Variants in DGKB observed in about 807,000 individuals in gnomAD.
DGKB encodes diacylglycerol kinase beta.
DGKB carries 67 observed loss-of-function variants against 114.3 expected under a neutral mutation model. The observed-to-expected ratio is 0.59, with a 90% CI of 0.48 to 0.72. DGKB has a LOEUF of 0.72. DGKB is among the 30% of genes least tolerant of loss of function. DGKB has a pLI of 0.00. For missense variants in DGKB, 907 were observed against 975.2 expected (o/e 0.93, Z 0.93); for synonymous variants, 398 against 323.1 (o/e 1.23, Z -2.49).
At chr7:14,265,217 T>G (rs1325933879) in intron 23 of DGKB, among the ~76,000 whole-genome samples, 1 of 151,664 alleles carries the variant, frequency 6.6e-6, no homozygotes, top group East Asian at 1.9e-4. Flanking sequence ...ATTTTTCAGT[T>G]TCATACAGAG....
intron 2 of DGKB, among the ~76,000 whole-genome samples, chr7:14,827,283 C>T (rs1319853528): frequency 6.6e-6 from 1 of 152,094 alleles, no homozygotes; most frequent in Non-Finnish European, 1.5e-5. Flanking sequence ...CTAGATAAGG[C>T]ATTACCCAGA....
At chr7:14,269,523 C>T (rs139131409) in intron 23 of DGKB, among the ~76,000 whole-genome samples, 2,139 of 152,252 alleles carry the variant, frequency 0.014, 16 homozygotes, top group South Asian at 0.028. Context: ...ATTTTGAAGG[C>T]TATATTCTTA....
intron 23 of DGKB, among the ~76,000 whole-genome samples, chr7:14,239,460 G>A (rs1312024010): frequency 6.6e-5 from 10 of 151,924 alleles, no homozygotes; most frequent in Admixed American, 2.6e-4. Context: ...TCTGTTTACT[G>A]TACATTTTAA....
chr7:14,152,398 CAT>C (rs553252219), intron 25 of DGKB, among the ~76,000 whole-genome samples: 2 of 152,038 alleles, frequency 1.3e-5, no homozygotes, highest in African/African-American at 2.4e-5. Context: ...ACTGGGCACT[CAT>C]AAACAGTGGT....
intron 10 of DGKB, among the ~76,000 whole-genome samples, chr7:14,684,655 A>T (rs1821371506): frequency 6.6e-6 from 1 of 152,170 alleles, no homozygotes; most frequent in South Asian, 2.1e-4. Context: ...AAATTTTTAA[A>T]ATGGCCACGA....
intron 2 of DGKB, among the ~76,000 whole-genome samples, chr7:14,766,067 A>G (rs1293423427): frequency 6.6e-6 from 1 of 151,998 alleles, no homozygotes; most frequent in Non-Finnish European, 1.5e-5. Flanking sequence ...AGAAACAATA[A>G]ATAGGTCTTT....
intron 1 of DGKB, among the ~76,000 whole-genome samples, chr7:14,948,844 A>G (rs1020359117): frequency 6.6e-6 from 1 of 151,802 alleles, no homozygotes; most frequent in Non-Finnish European, 1.5e-5. Flanking sequence ...ATATGGGAGT[A>G]ATATCTTCAA....
At chr7:14,901,423 T>C (rs1783036552) in intron 1 of DGKB, among the ~76,000 whole-genome samples, 1 of 152,230 alleles carries the variant, frequency 6.6e-6, no homozygotes, top group Non-Finnish European at 1.5e-5. Context: ...TCTTCTCCTA[T>C]GGAATATATG....
intron 23 of DGKB, among the ~76,000 whole-genome samples, chr7:14,325,136 C>G (rs1808493812): frequency 6.6e-6 from 1 of 152,166 alleles, no homozygotes; most frequent in African/African-American, 2.4e-5. Context: ...CTTTCCCTTA[C>G]AGCCACTTAG....
intron 2 of DGKB, among the ~76,000 whole-genome samples, chr7:14,803,370 T>C (rs1842417889): frequency 6.6e-6 from 1 of 152,194 alleles, no homozygotes; most frequent in African/African-American, 2.4e-5. Context: ...GTTTTAATCC[T>C]TGCATCTAAT....
intron 21 of DGKB, among the ~76,000 whole-genome samples, chr7:14,476,100 C>G (rs1180872962): frequency 6.6e-6 from 1 of 151,738 alleles, no homozygotes; most frequent in African/African-American, 2.4e-5. Context: ...TCGTTTTTTG[C>G]TTGAAACCTA....
At chr7:14,866,225 G>T (rs1479821869) in intron 1 of DGKB, among the ~76,000 whole-genome samples, 1 of 152,054 alleles carries the variant, frequency 6.6e-6, no homozygotes, top group African/African-American at 2.4e-5. Flanking sequence ...CCACCAGAGT[G>T]GTACATTTGT....
chr7:14,710,283 G>C (rs543457913), intron 6 of DGKB, among the ~76,000 whole-genome samples: 2 of 151,956 alleles, frequency 1.3e-5, no homozygotes, highest in African/African-American at 4.8e-5. Context: ...TTGATAAATG[G>C]TAAAATTTCT....
chr7:14,635,638 C>A (rs1585236553), intron 13 of DGKB, among the ~76,000 whole-genome samples: 1 of 151,528 alleles, frequency 6.6e-6, no homozygotes, highest in East Asian at 1.9e-4. Flanking sequence ...TTCTTCAGAA[C>A]TCTTAATTTA....
chr7:14,333,674 C>T (rs923436914), intron 23 of DGKB, among the ~76,000 whole-genome samples: 6 of 151,954 alleles, frequency 3.9e-5, no homozygotes, highest in Admixed American at 3.3e-4. Flanking sequence ...GTCTCCACTA[C>T]CAAAAACTGG....
In DGKB at chr7:14,717,655, C is replaced by T. The variant is rs140961606; in HGVS notation, c.466+887G>A. Reference sequence around the variant, plus strand: ...ATGCCCCCCAATAATAATTCTGAGACGTCATGATTATTTACATTTGCTTCA... The same window carrying T: ...ATGCCCCCCAATAATAATTCTGAGATGTCATGATTATTTACATTTGCTTCA... On this transcript the variant is annotated intron_variant, in intron 6 of 25. Coordinates refer to ENST00000402815, the MANE Select transcript of DGKB (RefSeq NM_001350709.2). Among the ~76,000 whole-genome samples, 263 of 152,046 alleles carry T rather than the reference C, an allele frequency of 1.7e-3. 2 individuals are homozygous for T. Among genetic ancestry groups the T allele is most frequent in the African/African-American group, 5.8e-3 (240 of 41,476 alleles).
chr7:14,178,485 AT>A (rs1290220739), intron 23 of DGKB, among the ~76,000 whole-genome samples: 1 of 152,000 alleles, frequency 6.6e-6, no homozygotes, highest in East Asian at 1.9e-4. Context: ...TATAAGGACC[AT>A]TTATACATCC....
intron 1 of DGKB, among the ~76,000 whole-genome samples, chr7:14,885,538 G>C (rs982906936): frequency 4.0e-5 from 6 of 151,820 alleles, no homozygotes; most frequent in African/African-American, 1.5e-4. Flanking sequence ...AATGCAAGGA[G>C]TGTACAGTGG....
chr7:14,489,804 G>T (rs1037820025), intron 20 of DGKB, among the ~76,000 whole-genome samples: 1 of 152,014 alleles, frequency 6.6e-6, no homozygotes, highest in African/African-American at 2.4e-5. Context: ...GAGGGGAAAT[G>T]AGATAGAAGA....
Sources: gnomAD v4.1 joint callset for allele counts (sites outside exome capture counted in the v4.1 genomes callset) on GRCh38, gnomAD v4.1.1 for gene constraint, MANE v1.5 for transcripts, NCBI Gene and HGNC (gene_info 2026-07-23, HGNC 2026-07-21) for gene names.